POLD1: variants seen among roughly 807,000 people sequenced by gnomAD.
POLD1 encodes the protein DNA polymerase delta catalytic subunit.
A neutral mutation model predicts 129.7 loss-of-function variants in POLD1; 79 were observed. That is an observed-to-expected ratio of 0.61 (90% CI 0.51 to 0.73). The LOEUF is 0.73. Ranked by LOEUF, POLD1 falls within the 30% of genes least tolerant of loss-of-function variation. The probability of loss-of-function intolerance (pLI) is 0.00; values close to 1 mark genes in which losing one functional copy is unlikely to be tolerated. For synonymous variants in POLD1, 714 were observed against 683.3 expected (o/e 1.04, Z -0.70); for missense variants, 1,338 against 1,595.8 (o/e 0.84, Z 2.75).
At position 50,402,373 on chromosome 19, in the gene POLD1, G is replaced by A. The variant is rs1366413924; in HGVS notation, c.758G>A (p.Arg253Gln). The A allele has an allele frequency of 3.1e-6, 5 of 1,612,782 alleles. No homozygotes were observed. The highest frequency in any genetic ancestry group is 1.1e-5 in the South Asian group (1 of 91,022). ...PYEANVDFEI[R>Q]FMVDTDIVGC... ...GAGGCCAACGTCGACTTTGAGATCC[G>A]GTACGGCCTCTGCCTCACTTCTCCG... Residue 253 changes from arginine to glutamine, a missense_variant and splice_region_variant, in exon 6 of 27, where the codon CGG (arginine) becomes CAG (glutamine). Around this residue, in one of 3 missense-constraint regions of POLD1, gnomAD observed 720 missense variants for 1,002.6 expected, o/e 0.72. Coordinates refer to ENST00000440232, the MANE Select transcript of POLD1 (RefSeq NM_002691.4).
intron 1 of POLD1, among the ~76,000 whole-genome samples, chr19:50,396,172 C>T (rs1340059310): frequency 6.7e-6 from 1 of 149,850 alleles, no homozygotes; most frequent in Non-Finnish European, 1.5e-5. Context: ...CTGCAACCTC[C>T]ACCTCTCGGG....
At chr19:50,392,352 C>G (rs1009035791) in intron 1 of POLD1, among the ~76,000 whole-genome samples, 1 of 152,224 alleles carries the variant, frequency 6.6e-6, no homozygotes, top group African/African-American at 2.4e-5. Flanking sequence ...CCCACCTCAG[C>G]CTCCCAAAGT....
chr19:50,416,132 A>G (rs1015180010), intron 22 of POLD1: 2 of 580,704 alleles, frequency 3.4e-6, no homozygotes, highest in Admixed American at 6.2e-5. Context: ...CCCACATCTT[A>G]GCCCCATGAC....
At chr19:50,399,254 A>C in intron 2 of POLD1, 117 bp from the exon 3 acceptor site, 2 of 1,151,856 alleles carry the variant, frequency 1.7e-6, no homozygotes, top group East Asian at 2.6e-5. Context: ...TTCTCTTCCA[A>C]GTTTCCTGCC....
rs939391821 is a variant in POLD1, at chr19:50,416,539, A to T, written c.2953+11A>T. ...AGGCTGTGCTACTGCGTACGGGGGC[A>T]CCAGGGGACTGGGGGCACCCTGGGG... is the stretch of plus-strand genomic sequence containing the variant. On this transcript the variant is annotated intron_variant, in intron 23 of 26. Transcript: ENST00000440232. 1.3e-6 allele frequency: 2 copies of T among 1,551,932 alleles called. No individual in the cohort carries two copies. The highest frequency in any genetic ancestry group is 1.7e-6 in the Non-Finnish European group (2 of 1,150,212).
At chr19:50,401,747 A>T (rs376464304) in intron 3 of POLD1, 31 bp from the exon 4 acceptor site, 115 of 1,608,852 alleles carry the variant, frequency 7.1e-5, no homozygotes, top group Non-Finnish European at 9.6e-5. Flanking sequence ...CCTGAGAGGC[A>T]TGGCCGCTGT....
chr19:50,411,266 A>G (rs1413348338), intron 17 of POLD1, among the ~76,000 whole-genome samples: 2 of 152,164 alleles, frequency 1.3e-5, no homozygotes, highest in Non-Finnish European at 2.9e-5. Flanking sequence ...CGCTCACTGC[A>G]TGCTCCCAAC....
At chr19:50,413,289 G>A (rs1183083966) in intron 17 of POLD1, 137 bp from the exon 18 acceptor site, 9 of 681,172 alleles carry the variant, frequency 1.3e-5, no homozygotes, top group Non-Finnish European at 1.8e-5. Flanking sequence ...GGGAACTGAG[G>A]CCCAGGAGGG....
rs3219423 is a variant in POLD1 at position 50,413,645 on chromosome 19, TG to T, written c.2251-94del. ...CCTGCCCACTCTCCTGTTGCATCCT[TG>T]GGTCCCGTTGGCATTAGCCACCTGC... is the stretch of plus-strand genomic sequence containing the variant. On this transcript the variant is annotated intron_variant, in intron 18 of 26. Coordinates refer to ENST00000440232, the MANE Select transcript of POLD1 (RefSeq NM_002691.4). The T allele has an allele frequency of 2.3e-3, 3,481 of 1,536,912 alleles. 86 individuals carry two copies. The African/African-American group carries it at 0.042, about 18-fold the overall frequency.
At chr19:50,407,904 G>A (rs1367273869) in intron 14 of POLD1, among the ~76,000 whole-genome samples, 1 of 151,478 alleles carries the variant, frequency 6.6e-6, no homozygotes, top group Admixed American at 6.6e-5. Context: ...CAGGCGTGGT[G>A]GTGCATGCCT....
At chr19:50,399,694 A>G (rs1200355522) in intron 3 of POLD1, among the ~76,000 whole-genome samples, 1 of 152,220 alleles carries the variant, frequency 6.6e-6, no homozygotes, top group Non-Finnish European at 1.5e-5. Context: ...AAGGTGACAC[A>G]GGGTCAGCTT....
rs147117961 is a variant in POLD1 at position 50,392,424 on chromosome 19, T to C, written c.-1-6427T>C. On this transcript the variant is annotated intron_variant, in intron 1 of 26. Coordinates refer to ENST00000440232, the MANE Select transcript of POLD1 (RefSeq NM_002691.4). ...ACTTACTTTTTCATGACATCGACAG[T>C]TTTAAAGATTACAGACCAGTGTTGT... Among the ~76,000 whole-genome samples the C allele has an allele frequency of 5.0e-3, 754 of 151,996 alleles. 5 individuals are homozygous for C. The highest frequency in any genetic ancestry group is 0.017 in the African/African-American group (701 of 41,426).
At chr19:50,392,545 G>A (rs1243027313) in intron 1 of POLD1, among the ~76,000 whole-genome samples, 4 of 151,670 alleles carry the variant, frequency 2.6e-5, no homozygotes, top group South Asian at 2.1e-4. Context: ...TGGCGTGATC[G>A]CAGCTCACTG....
intron 17 of POLD1, among the ~76,000 whole-genome samples, chr19:50,412,672 A>G (rs1262193531): frequency 6.6e-6 from 1 of 152,038 alleles, no homozygotes; most frequent in Non-Finnish European, 1.5e-5. Flanking sequence ...CAGAAGAATC[A>G]CACCCATCTC....
chr19:50,398,742 C>G, intron 1 of POLD1, 109 bp from the exon 2 acceptor site: 1 of 1,502,250 alleles, frequency 6.7e-7, no homozygotes, highest in South Asian at 1.3e-5. Flanking sequence ...TACAGCCAGT[C>G]CAGAGTAGGA....
intron 24 of POLD1, 21 bp from the exon 25 acceptor site, chr19:50,417,024 G>A: frequency 6.5e-7 from 1 of 1,547,120 alleles, no homozygotes; most frequent in East Asian, 2.4e-5. Flanking sequence ...CCAGCACTTG[G>A]GCTGACCCGC....
At chr19:50,388,442 T>C (rs2695125) in intron 1 of POLD1, among the ~76,000 whole-genome samples, 7,948 of 152,192 alleles carry the variant, frequency 0.052, 689 homozygotes, top group African/African-American at 0.18. Context: ...TTTATACATA[T>C]GCCCTGCATT....
chr19:50,416,299 C>T, intron 22 of POLD1, 97 bp from the exon 23 acceptor site: 1 of 1,289,260 alleles, frequency 7.8e-7, no homozygotes, highest in Non-Finnish European at 1.1e-6. Flanking sequence ...AGCCCGCAGG[C>T]AGGCCTAGGC....
rs2122374936 is a variant in POLD1 at position 50,409,107 on chromosome 19, C to T, written c.1893-15C>T. On this transcript the variant is annotated splice_polypyrimidine_tract_variant and intron_variant, in intron 15 of 26. Coordinates refer to ENST00000440232, the MANE Select transcript of POLD1 (RefSeq NM_002691.4). The surrounding 1 kb of genome is among the most constrained non-coding windows in gnomAD (Gnocchi z 5.8). ...GGAGGGTGGCCGGCAGTCACCCCAACATCTTCCAACCCAGCCTGACTGAGG... is the reference window on the plus strand; with the variant it reads ...GGAGGGTGGCCGGCAGTCACCCCAATATCTTCCAACCCAGCCTGACTGAGG... 1.9e-6 allele frequency: 3 copies of T among 1,583,496 alleles called. No individual in the cohort carries two copies. Among genetic ancestry groups the T allele is most frequent in the Non-Finnish European group, 2.6e-6 (3 of 1,152,462 alleles).
Sources: allele counts gnomAD v4.1 joint callset (sites outside exome capture counted in the v4.1 genomes callset), GRCh38; gene constraint gnomAD v4.1.1; regional missense constraint gnomAD v4.1.1; non-coding constraint Gnocchi (gnomAD v3.1); transcripts MANE v1.5; gene names NCBI Gene and HGNC (gene_info 2026-07-23, HGNC 2026-07-21).